The following SYN3 variants were observed in gnomAD, a reference collection of about 807,000 sequenced individuals.
The protein encoded by SYN3 is synapsin-3.
Under a neutral mutation model 65.8 loss-of-function variants are expected in SYN3, and 35 were observed. That is an observed-to-expected ratio of 0.53 (90% CI 0.41 to 0.70). The LOEUF (loss-of-function observed/expected upper bound fraction) is 0.70, where lower values mean the gene tolerates loss of function less well. Among genes scored for constraint, SYN3 ranks in the 30% least tolerant of loss-of-function variants. SYN3 has a pLI of 0.00. For synonymous variants in SYN3, 270 were observed against 292.9 expected (o/e 0.92, Z 0.80); for missense variants, 680 against 749.0 (o/e 0.91, Z 1.08).
chr22:32,807,305 T>A lies in SYN3; in HGVS notation c.711+57610A>T, dbSNP rs5994632. ...TGATGGTTTGGAGGATATATATATA[T>A]AAATATATAATATATAAATATATAA... On this transcript the variant is annotated intron_variant, in intron 6 of 13. Coordinates refer to ENST00000358763, the MANE Select transcript of SYN3 (RefSeq NM_003490.4). 4.5e-4 allele frequency among the ~76,000 whole-genome samples: 57 copies of A among 127,566 alleles called. No homozygotes were observed. In the East Asian group the frequency reaches 7.4e-3, roughly 17 times the overall value. 83.7% of individuals were successfully genotyped at this position (127,566 alleles called of 152,430 possible).
intron 6 of SYN3, among the ~76,000 whole-genome samples, chr22:32,636,915 T>C (rs1194627183): frequency 6.6e-6 from 1 of 152,074 alleles, no homozygotes; most frequent in Admixed American, 6.5e-5. Context: ...AACCTCTTTT[T>C]GAAAAAATAA....
intron 3 of SYN3, among the ~76,000 whole-genome samples, chr22:32,947,871 A>G (rs1418735560): frequency 1.3e-5 from 2 of 152,208 alleles, no homozygotes; most frequent in Non-Finnish European, 2.9e-5. Context: ...TGTGTTGCAC[A>G]TGGCCCAAAT....
intron 4 of SYN3, among the ~76,000 whole-genome samples, chr22:32,914,689 G>C (rs1174783104): frequency 6.6e-6 from 1 of 151,874 alleles, no homozygotes. Context: ...TGATCCGCCC[G>C]CCTCGGCCTC....
At chr22:32,978,492 C>T (rs555452866) in intron 3 of SYN3, among the ~76,000 whole-genome samples, 4 of 152,084 alleles carry the variant, frequency 2.6e-5, no homozygotes, top group Non-Finnish European at 5.9e-5. Flanking sequence ...TTCTGGTCTC[C>T]TTATCTTTGC....
chr22:32,609,340 T>TAAATA (rs1356927526), intron 6 of SYN3, among the ~76,000 whole-genome samples: 1 of 151,910 alleles, frequency 6.6e-6, no homozygotes, highest in Non-Finnish European at 1.5e-5. Context: ...AATAAATAAA[T>TAAATA]AAATAAAATA....
chr22:32,702,568 G>A (rs1196067754), intron 6 of SYN3, among the ~76,000 whole-genome samples: 1 of 152,174 alleles, frequency 6.6e-6, no homozygotes, highest in Non-Finnish European at 1.5e-5. Flanking sequence ...AGAGCCCTCA[G>A]ACCTGAATTC....
chr22:32,931,279 A>C lies in SYN3; in HGVS notation c.461+111T>G, dbSNP rs2050620927. 4.2e-6 allele frequency: 3 copies of C among 720,210 alleles called. No homozygotes were observed. In the South Asian group the frequency reaches 4.7e-5, roughly 11 times the overall value. 44.6% of individuals were successfully genotyped at this position (720,210 alleles called of 1,614,324 possible). ...TGGGAAGCAGACATTCTGTACAGGA[A>C]AGTACATGTGGCAAAGGAGTTAGGT... On this transcript the variant is annotated intron_variant, in intron 4 of 13. Transcript: ENST00000358763.
intron 6 of SYN3, chr22:32,629,655 T>A (rs1371166605): frequency 6.6e-6 from 1 of 152,210 alleles, no homozygotes; most frequent in Non-Finnish European, 1.5e-5. Context: ...TAAACTTTTT[T>A]CTTTGTATTT....
At chr22:32,958,092 G>T (rs1420027478) in intron 3 of SYN3, among the ~76,000 whole-genome samples, 2 of 152,184 alleles carry the variant, frequency 1.3e-5, no homozygotes, top group Non-Finnish European at 2.9e-5. Flanking sequence ...ACAACAACAT[G>T]CTCAACTCAC....
chr22:32,780,372 G>T (rs1182495961), intron 6 of SYN3, among the ~76,000 whole-genome samples: 1 of 152,168 alleles, frequency 6.6e-6, no homozygotes, highest in African/African-American at 2.4e-5. Flanking sequence ...AGGAGATGGA[G>T]ACAGAGCAGC....
intron 6 of SYN3, among the ~76,000 whole-genome samples, chr22:32,600,636 G>A (rs2059268158): frequency 6.6e-6 from 1 of 152,150 alleles, no homozygotes; most frequent in African/African-American, 2.4e-5. Flanking sequence ...TTCTTCATGA[G>A]CTCTAATAAA....
intron 6 of SYN3, among the ~76,000 whole-genome samples, chr22:32,838,597 G>C (rs539513158): frequency 1.3e-5 from 2 of 152,260 alleles, no homozygotes; most frequent in South Asian, 4.1e-4. Context: ...AGGGTCCTGT[G>C]ACTTGCCTCT....
intron 6 of SYN3, among the ~76,000 whole-genome samples, chr22:32,778,461 G>A (rs2145813683): frequency 1.4e-5 from 1 of 73,514 alleles, no homozygotes; most frequent in African/African-American, 7.9e-5. Context: ...GCTAATTTTT[G>A]TATTTTTTTT....
At chr22:32,808,380 T>C (rs1360742607) in intron 6 of SYN3, among the ~76,000 whole-genome samples, 1 of 152,098 alleles carries the variant, frequency 6.6e-6, no homozygotes, top group Non-Finnish European at 1.5e-5. Flanking sequence ...AGCAGTGGGA[T>C]GGTCACAAGG....
At chr22:32,706,250 C>T (rs764009611) in intron 6 of SYN3, among the ~76,000 whole-genome samples, 6 of 151,966 alleles carry the variant, frequency 3.9e-5, no homozygotes, top group Admixed American at 6.6e-5. Context: ...TACCTACATA[C>T]TGAGGAACTT....
chr22:32,605,501 A>C (rs1436771826), intron 6 of SYN3, among the ~76,000 whole-genome samples: 1 of 152,226 alleles, frequency 6.6e-6, no homozygotes. Context: ...GGGGCTAAGC[A>C]CTTTACATAT....
At chr22:32,565,328 C>T (rs1341769025) in intron 7 of SYN3, among the ~76,000 whole-genome samples, 3 of 151,984 alleles carry the variant, frequency 2.0e-5, no homozygotes, top group African/African-American at 4.8e-5. Flanking sequence ...TCTGGAACTC[C>T]AGTGAGAGTC....
At chr22:32,582,101 G>T (rs555601511) in intron 7 of SYN3, among the ~76,000 whole-genome samples, 2 of 152,156 alleles carry the variant, frequency 1.3e-5, no homozygotes, top group South Asian at 4.1e-4. Flanking sequence ...CCCGGCCTGA[G>T]AATTGATTGT....
chr22:32,673,118 A>G (rs1037342887), intron 6 of SYN3, among the ~76,000 whole-genome samples: 8 of 152,178 alleles, frequency 5.3e-5, no homozygotes, highest in Non-Finnish European at 2.9e-5. Flanking sequence ...TTCGCCTCCT[A>G]AGAAGTAGAG....
Sources: gnomAD v4.1 joint callset for allele counts (sites outside exome capture counted in the v4.1 genomes callset) on GRCh38, gnomAD v4.1.1 for gene constraint, MANE v1.5 for transcripts, NCBI Gene and HGNC (gene_info 2026-07-23, HGNC 2026-07-21) for gene names.